Variants in INPPL1 observed in about 807,000 individuals in gnomAD.
The protein encoded by INPPL1 is phosphatidylinositol 3,4,5-trisphosphate 5-phosphatase 2.
Under a neutral mutation model 139.3 loss-of-function variants are expected in INPPL1, and 91 were observed. That is an observed-to-expected ratio of 0.65 (90% confidence interval 0.55 to 0.78). The LOEUF (loss-of-function observed/expected upper bound fraction) is 0.78. Among genes scored for constraint, INPPL1 ranks in the 30% least tolerant of loss-of-function variants. The pLI is 0.00. For missense variants in INPPL1, 1,411 were observed against 1,665.6 expected (o/e 0.85, Z 2.66); for synonymous variants, 719 against 686.6 (o/e 1.05, Z -0.74).
chr11:72,230,754 C>T, intron 10 of INPPL1, 42 bp from the exon 11 acceptor site: 1 of 1,565,996 alleles, frequency 6.4e-7, no homozygotes, highest in East Asian at 2.2e-5. Context: ...CGGGGGGCTT[C>T]CTGGATGCCT....
intron 1 of INPPL1, 186 bp downstream of exon 1, chr11:72,225,352 T>C: frequency 2.0e-6 from 2 of 985,374 alleles, no homozygotes; most frequent in Non-Finnish European, 2.4e-6. Flanking sequence ...TCCTGCTGTG[T>C]GTCTGGGGGC....
At position 72,229,929 on chromosome 11, in the gene INPPL1, G is replaced by A. The variant is rs772223908; in HGVS notation, c.849G>A (p.Leu283=). Residue 283 remains leucine, a synonymous_variant, in exon 8 of 28, where the codon CTG becomes CTA. Coordinates refer to ENST00000298229, the MANE Select transcript of INPPL1 (RefSeq NM_001567.4). The stretch of plus-strand genomic sequence containing the variant: ...CCTGCCCTTGTTCCCTCCAGGCCCT[G>A]AAGGCCCTACAGGACATGAGCTCCA... ...DFLSGIQKKA[L]KALQDMSSTA... The A allele has an allele frequency of 6.2e-7, 1 of 1,614,008 alleles. No homozygotes were observed.
Position 72,238,070 on chromosome 11 carries a change from G to GCGGGCTGGGCGAGGCAGGCATGAGTGC in INPPL1, c.3583_3609dup (p.Gly1195_Ala1203dup). The GCGGGCTGGGCGAGGCAGGCATGAGTGC allele has an allele frequency of 5.1e-6, 8 of 1,569,584 alleles. No individual in the cohort carries two copies. Among genetic ancestry groups the GCGGGCTGGGCGAGGCAGGCATGAGTGC allele is most frequent in the Non-Finnish European group, 6.9e-6 (8 of 1,158,160 alleles). ...CCGTGCCTGCAGGGCGGGCGGGCCA[G>GCGGGCTGGGCGAGGCAGGCATGAGTGC]CGGGCTGGGCGAGGCAGGCATGAGT... On this transcript the variant is annotated inframe_insertion, in exon 27 of 28. Transcript: ENST00000298229.
Position 72,237,600 on chromosome 11 carries a change from G to A in INPPL1, c.3356G>A (p.Arg1119Gln), listed in dbSNP as rs572965433. The A allele has an allele frequency of 2.9e-5, 47 of 1,600,082 alleles. No homozygotes were observed. The highest frequency in any genetic ancestry group is 9.0e-5 in the East Asian group (4 of 44,516). Residue 1119 changes from arginine to glutamine, a missense_variant, in exon 26 of 28, where the codon CGG becomes CAG. Transcript: ENST00000298229. Reference sequence around the variant, plus strand: ...GGGGAAGTGGCCAGTGGGGATGACCGGTCCTGCTCGGTGCTGCAGATGGCC... The same window carrying A: ...GGGGAAGTGGCCAGTGGGGATGACCAGTCCTGCTCGGTGCTGCAGATGGCC... ...FLGEVASGDD[R>Q]SCSVLQMAKT...
intron 13 of INPPL1, among the ~76,000 whole-genome samples, chr11:72,232,005 G>A (rs1464822203): frequency 6.6e-6 from 1 of 152,152 alleles, no homozygotes; most frequent in Non-Finnish European, 1.5e-5. Context: ...GTGATCTCCA[G>A]GGGCTCTGCT....
rs1315869778 is a variant in INPPL1, at chr11:72,238,383, A to C, written c.*30A>C. 3.3e-6 allele frequency: 5 copies of C among 1,503,734 alleles called. No individual in the cohort carries two copies. The South Asian group carries it at 4.1e-5, about 12-fold the overall frequency. 93.1% of individuals were successfully genotyped at this position (1,503,734 alleles called of 1,614,324 possible). ...GGAGGCACCACGAAGCTGTGAACTC[A>C]GAGCCCCTCCCTGCTACCAAGGCCC... On this transcript the variant is annotated 3_prime_UTR_variant, in exon 28 of 28. Transcript: ENST00000298229.
chr11:72,231,088 A>T lies in INPPL1; in HGVS notation c.1396A>T (p.Ile466Phe), dbSNP rs1948821151. The change falls in exon 12 of 28, where the codon ATC (isoleucine) becomes TTC (phenylalanine). Residue 466 changes from isoleucine (I) to phenylalanine (F), a missense_variant. Ile to Phe is a conservative substitution (Grantham distance 21). This residue lies in a region of INPPL1 where 7 missense variants were observed against 26.5 expected (regional missense o/e 0.26). Transcript: ENST00000298229. ...DEVTVTIPHDIYVFGTQENSV... is the reference protein window; with the variant it reads ...DEVTVTIPHDFYVFGTQENSV... ...GGTCACAGTGACCATACCCCATGAC[A>T]TCTATGTCTTTGGGACCCAGGAGAA... 1 of 1,613,926 alleles carries T rather than the reference A, an allele frequency of 6.2e-7. No individual in the cohort carries two copies. Among genetic ancestry groups the T allele is most frequent in the Non-Finnish European group, 8.5e-7 (1 of 1,180,000 alleles).
rs1949031421 is a variant in INPPL1, at chr11:72,237,691, C to T, written c.3447C>T (p.Pro1149=). Residue 1149 remains proline, a synonymous_variant, in exon 26 of 28, where the codon CCC becomes CCT. Transcript: ENST00000298229. ...CACGCTCAGCGCTCCTCCCAGGCCC[C>T]CTGGAGCTGCAGCCCCCCCGGGGAC... is the stretch of plus-strand genomic sequence containing the variant. ...GPARSALLPG[P]LELQPPRGLP... 1 of 1,611,972 alleles carries T rather than the reference C, an allele frequency of 6.2e-7. No individual in the cohort carries two copies. Among genetic ancestry groups the T allele is most frequent in the Non-Finnish European group, 8.5e-7 (1 of 1,179,562 alleles).
rs757436504 is a variant in INPPL1, at chr11:72,237,408, C to T, written c.3164C>T (p.Pro1055Leu). 1 of 1,613,146 alleles carries T rather than the reference C, an allele frequency of 6.2e-7. No individual in the cohort carries two copies. Among genetic ancestry groups the T allele is most frequent in the Admixed American group, 1.7e-5 (1 of 60,014 alleles). Residue 1055 changes from proline to leucine, a missense_variant, in exon 26 of 28, where the codon CCT becomes CTT. By Grantham distance (98) the Pro-to-Leu change is moderately conservative. Coordinates refer to ENST00000298229, the MANE Select transcript of INPPL1 (RefSeq NM_001567.4). ...ACACTGCCCCCTCCAGACTTTCCACCTCCACCACTGCCGGACTCAGCCATC... is the reference window on the plus strand; with the variant it reads ...ACACTGCCCCCTCCAGACTTTCCACTTCCACCACTGCCGGACTCAGCCATC... The part of the protein sequence containing the change: ...GGTLPPPDFP[P>L]PPLPDSAIFL...
At position 72,225,374 on chromosome 11, in the gene INPPL1, C is replaced by T. The variant is rs1948641758; in HGVS notation, c.182+208C>T. ...GTGTGTCTGGGGGCACTTTCAGGAG[C>T]CTTGAGGGTAGAGAATATGGGGTTC... is the stretch of plus-strand genomic sequence containing the variant. On this transcript the variant is annotated intron_variant, in intron 1 of 27. Transcript: ENST00000298229. 3 of 985,400 alleles carry T rather than the reference C, an allele frequency of 3.0e-6. No homozygotes were observed. The South Asian group carries it at 1.4e-4, about 46-fold the overall frequency. 61.0% of individuals were successfully genotyped at this position (985,400 alleles called of 1,614,324 possible). A position where few individuals can be genotyped will look rare whatever the true frequency, so the allele number is the denominator to read the frequency against.
chr11:72,233,857 A>C (rs1054177452), intron 19 of INPPL1, 113 bp downstream of exon 19: 1 of 823,634 alleles, frequency 1.2e-6, no homozygotes, highest in Non-Finnish European at 2.1e-6. Context: ...TGTGTGTACC[A>C]GTGAGTGCAG....
intron 9 of INPPL1, 44 bp downstream of exon 9, chr11:72,230,315 C>T (rs1388248349): frequency 2.5e-6 from 4 of 1,612,784 alleles, no homozygotes; most frequent in African/African-American, 1.3e-5. Context: ...GGGCGGAGCC[C>T]CTGGCCTAGG....
Position 72,230,779 on chromosome 11 carries a change from G to A in INPPL1, c.1198-17G>A. 6.2e-7 allele frequency: 1 copy of A among 1,610,246 alleles called. No individual in the cohort carries two copies. On this transcript the variant is annotated splice_polypyrimidine_tract_variant and intron_variant, in intron 10 of 27. Coordinates refer to ENST00000298229, the MANE Select transcript of INPPL1 (RefSeq NM_001567.4). ...CCTGGATGCCTACCCGCCCCTGAGT[G>A]GCTGCTGTTCCCCCAGAAGCGGGAG...
intron 1 of INPPL1, 94 bp downstream of exon 1, chr11:72,225,260 G>T (rs988673004): frequency 8.2e-7 from 1 of 1,220,816 alleles, no homozygotes; most frequent in South Asian, 4.2e-5. Flanking sequence ...TTTCTGGGGC[G>T]GTGGGACGCC....
In INPPL1 at chr11:72,228,729, G is replaced by A. The variant is rs753411829; in HGVS notation, c.400G>A (p.Gly134Arg). Residue 134 changes from glycine to arginine, a missense_variant and splice_region_variant, in exon 4 of 28, where the codon GGG (glycine) becomes AGG (arginine). Around this residue, in one of 5 missense-constraint regions of INPPL1, gnomAD observed 504 missense variants for 595.6 expected, o/e 0.85. Coordinates refer to ENST00000298229, the MANE Select transcript of INPPL1 (RefSeq NM_001567.4). This position sits in a 1 kb window ranked among gnomAD's most constrained non-coding sequence, Gnocchi z 5.0. ...TGCCCACTGACCCCTGCCCACAGAT[G>A]GGGAGGATGAGAAGCCCCCGCTGCC... is the stretch of plus-strand genomic sequence containing the variant. The part of the protein sequence containing the change: ...DPPDDRDASD[G>R]EDEKPPLPPR... 6.2e-7 allele frequency: 1 copy of A among 1,608,348 alleles called. No individual in the cohort carries two copies. Among genetic ancestry groups the A allele is most frequent in the Non-Finnish European group, 8.5e-7 (1 of 1,177,020 alleles).
rs367992744 is a variant in INPPL1 at position 72,229,588 on chromosome 11, C to G, written c.753+30C>G. The G allele has an allele frequency of 3.7e-6, 6 of 1,611,834 alleles. No homozygotes were observed. In the African/African-American group the frequency reaches 8.0e-5, roughly 22 times the overall value. On this transcript the variant is annotated intron_variant, in intron 6 of 27. Transcript: ENST00000298229. ...ATTGTAGGGAGACCTCTGGGAGGTG[C>G]GTTCGTGTTCTGGAGCTGGGTGGGA...
At position 72,235,444 on chromosome 11, in the gene INPPL1, GCTCTA is replaced by G; in HGVS notation, c.2654_2658del (p.Leu885ArgfsTer6). On this transcript the variant is annotated frameshift_variant and splice_region_variant, in exon 23 of 28. Coordinates refer to ENST00000298229, the MANE Select transcript of INPPL1 (RefSeq NM_001567.4). LOFTEE classifies it high-confidence loss of function. The surrounding 1 kb of genome is among the most constrained non-coding windows in gnomAD (Gnocchi z 4.9). ...CGGAGCGCCTGGGCACCCGTGAGCG[GCTCTA>G]CGGTGGGGACTCCACTGGGACATGA... The G allele has an allele frequency of 6.2e-7, 1 of 1,612,230 alleles. No homozygotes were observed. Among genetic ancestry groups the G allele is most frequent in the Non-Finnish European group, 8.5e-7 (1 of 1,179,870 alleles).
intron 13 of INPPL1, 26 bp downstream of exon 13, chr11:72,231,641 G>A (rs1334324108): frequency 1.3e-6 from 2 of 1,490,316 alleles, no homozygotes; most frequent in South Asian, 1.1e-5. Flanking sequence ...AGGTGCCCAA[G>A]AGTGGCAGCG....
In INPPL1 at chr11:72,228,776, C is replaced by T. The variant is rs1222611205; in HGVS notation, c.447C>T (p.Ser149=). The T allele has an allele frequency of 6.2e-7, 1 of 1,612,448 alleles. No individual in the cohort carries two copies. The highest frequency in any genetic ancestry group is 8.5e-7 in the Non-Finnish European group (1 of 1,179,278). The change falls in exon 4 of 28, where the codon AGC becomes AGT. Residue 149 remains serine, a synonymous_variant. Transcript: ENST00000298229. This position sits in a 1 kb window ranked among gnomAD's most constrained non-coding sequence, Gnocchi z 5.0. ...TGCCCCCGCGCTCTGGCTCCACCAG[C>T]ATTTCTGCCCCCACTGGGCCCAGCA... ...PPLPPRSGST[S]ISAPTGPSSP...
Sources: gnomAD v4.1 joint callset for allele counts (sites outside exome capture counted in the v4.1 genomes callset) on GRCh38, gnomAD v4.1.1 for gene constraint, gnomAD v4.1.1 regional missense constraint, Gnocchi (gnomAD v3.1) non-coding constraint, MANE v1.5 for transcripts, NCBI Gene and HGNC (gene_info 2026-07-23, HGNC 2026-07-21) for gene names.